The following MAN1C1 variants were observed in gnomAD, a reference collection of about 807,000 sequenced individuals.
MAN1C1 encodes the protein mannosyl-oligosaccharide 1,2-alpha-mannosidase IC.
MAN1C1 carries 49 observed loss-of-function variants against 71.5 expected under a neutral mutation model. The observed-to-expected ratio is 0.69, with a 90% CI of 0.54 to 0.87. MAN1C1 has a LOEUF of 0.87. Among genes scored for constraint, MAN1C1 ranks in the 40% least tolerant of loss-of-function variants. MAN1C1 has a pLI of 0.00. For synonymous variants in MAN1C1, 352 were observed against 343.7 expected, an observed-to-expected ratio of 1.02 and a Z score of -0.27; for missense variants, 743 against 835.0, an observed-to-expected ratio of 0.89 and a Z score of 1.36.
intron 2 of MAN1C1, among the ~76,000 whole-genome samples, chr1:25,715,312 A>G (rs981561014): frequency 4.6e-5 from 7 of 152,078 alleles, no homozygotes; most frequent in African/African-American, 1.7e-4. Context: ...GATCATTCCC[A>G]TTGCTGGGGT....
chr1:25,783,773 C>A lies in MAN1C1; in HGVS notation c.1877C>A (p.Ala626Asp). ...PVNHSDSSGR[A>D]WGRH is the part of the protein sequence containing the mutation. The stretch of plus-strand genomic sequence containing the variant: ...AACCACTCAGACAGCTCCGGCAGAG[C>A]CTGGGGCAGACACTGACCCCATCTC... Residue 626 changes from alanine to aspartate, a missense_variant, in exon 12 of 12, where the codon GCC becomes GAC. Ala to Asp is a moderately radical substitution (Grantham distance 126, BLOSUM62 -2). Transcript: ENST00000374332. 1 of 1,611,570 alleles carries A rather than the reference C, an allele frequency of 6.2e-7. No individual in the cohort carries two copies.
intron 1 of MAN1C1, chr1:25,644,518 A>ATATATTTTTTTTT (rs61386117): frequency 5.0e-5 from 2 of 40,290 alleles, no homozygotes; most frequent in Admixed American, 4.9e-4. Context: ...ATATATATAT[A>ATATATTTTTTTTT]TTTTTTTTTT....
intron 2 of MAN1C1, among the ~76,000 whole-genome samples, chr1:25,697,641 C>T (rs1433553228): frequency 1.3e-5 from 2 of 152,286 alleles, no homozygotes; most frequent in African/African-American, 4.8e-5. Flanking sequence ...TGTTCTATAG[C>T]GGCTGCACCA....
chr1:25,667,721 G>A (rs973948093), intron 1 of MAN1C1, among the ~76,000 whole-genome samples: 11 of 152,118 alleles, frequency 7.2e-5, no homozygotes, highest in African/African-American at 2.7e-4. Flanking sequence ...CAAGAACACA[G>A]CGCTTTAGCT....
chr1:25,631,579 A>G lies in MAN1C1; in HGVS notation c.540+13242A>G, dbSNP rs1217489151. On this transcript the variant is annotated intron_variant, in intron 1 of 11. Transcript: ENST00000374332. The surrounding 1 kb of genome is among the most constrained non-coding windows in gnomAD (Gnocchi z 4.2). ...CTTGTATATGTTAGACCATCCCTGC[A>G]TCCCTGCTATGAAACCCACTTGATC... is the stretch of plus-strand genomic sequence containing the variant. 2.0e-5 allele frequency among the ~76,000 whole-genome samples: 3 copies of G among 152,070 alleles called. No individual in the cohort carries two copies. The highest frequency in any genetic ancestry group is 4.4e-5 in the Non-Finnish European group (3 of 68,022).
intron 1 of MAN1C1, among the ~76,000 whole-genome samples, chr1:25,636,467 T>G (rs2045462283): frequency 6.6e-6 from 1 of 152,172 alleles, no homozygotes; most frequent in Non-Finnish European, 1.5e-5. Flanking sequence ...AGCGATATCT[T>G]CCCTACTTGC....
chr1:25,753,545 C>T lies in MAN1C1; in HGVS notation c.896C>T (p.Thr299Met), dbSNP rs767168627. 35 of 1,613,642 alleles carry T rather than the reference C, an allele frequency of 2.2e-5. 1 individual carries two copies. The South Asian group carries it at 2.3e-4, about 11-fold the overall frequency. The change falls in exon 5 of 12, where the codon ACG becomes ATG. Residue 299 changes from threonine (T) to methionine (M), a missense_variant. Transcript: ENST00000374332. The surrounding 1 kb of genome is among the most constrained non-coding windows in gnomAD (Gnocchi z 4.9). ...EKLLPAFNTP[T>M]GIPKGVVSFK... ...CTCCTGCCGGCGTTCAACACCCCCA[C>T]GGGAATCCCAAAGGGCGTGGTGAGC...
At chr1:25,652,461 A>G (rs1572122600) in intron 1 of MAN1C1, among the ~76,000 whole-genome samples, 2 of 152,082 alleles carry the variant, frequency 1.3e-5, no homozygotes, top group Non-Finnish European at 2.9e-5. Flanking sequence ...AGCCCTTCCC[A>G]CCCCACAGGC....
rs2047608339 is a variant in MAN1C1 at position 25,775,544 on chromosome 1, G to A, written c.1258-2561G>A. Among the ~76,000 whole-genome samples the A allele has an allele frequency of 1.3e-5, 2 of 152,234 alleles. No homozygotes were observed. The highest frequency in any genetic ancestry group is 6.5e-5 in the Admixed American group (1 of 15,274). ...GGCTTCTGCTGTCACACGGCACTCA[G>A]AGTCTGAGAGAGAGACAGATATACA... On this transcript the variant is annotated intron_variant, in intron 8 of 11. Transcript: ENST00000374332. The surrounding 1 kb of genome is among the most constrained non-coding windows in gnomAD (Gnocchi z 5.1).
At position 25,653,602 on chromosome 1, in the gene MAN1C1, A is replaced by T. The variant is rs1488688158; in HGVS notation, c.541-32838A>T. 2.6e-5 allele frequency among the ~76,000 whole-genome samples: 4 copies of T among 152,176 alleles called. No individual in the cohort carries two copies. The East Asian group carries it at 7.7e-4, about 29-fold the overall frequency. On this transcript the variant is annotated intron_variant, in intron 1 of 11. Transcript: ENST00000374332. The stretch of plus-strand genomic sequence containing the variant: ...CTGAATGTTCTCGGACCTAGTAGGT[A>T]TCAGTGTCCAGGGCCAAGGGGTCAC...
At chr1:25,690,796 C>T (rs879740138) in intron 2 of MAN1C1, among the ~76,000 whole-genome samples, 13 of 152,228 alleles carry the variant, frequency 8.5e-5, no homozygotes, top group Non-Finnish European at 1.5e-4. Flanking sequence ...GGCTTAGCCC[C>T]GTGCCAGGCA....
At chr1:25,652,356 C>T (rs1183627169) in intron 1 of MAN1C1, among the ~76,000 whole-genome samples, 1 of 152,252 alleles carries the variant, frequency 6.6e-6, no homozygotes, top group East Asian at 1.9e-4. Context: ...GTAAGGATCA[C>T]TCACTGCCAA....
chr1:25,635,181 T>C (rs747821874), intron 1 of MAN1C1, among the ~76,000 whole-genome samples: 1 of 152,126 alleles, frequency 6.6e-6, no homozygotes, highest in Non-Finnish European at 1.5e-5. Flanking sequence ...TTCTCTGTTT[T>C]CTGAAAGAGT....
chr1:25,661,653 G>GGCAGGAA (rs1325850862), intron 1 of MAN1C1, among the ~76,000 whole-genome samples: 2 of 152,184 alleles, frequency 1.3e-5, no homozygotes, highest in African/African-American at 2.4e-5. Flanking sequence ...GTGGAAGACA[G>GGCAGGAA]GCAGGAAGCA....
chr1:25,692,765 G>A (rs1214537836), intron 2 of MAN1C1, among the ~76,000 whole-genome samples: 6 of 152,144 alleles, frequency 3.9e-5, no homozygotes, highest in Admixed American at 2.6e-4. Flanking sequence ...TGTGTGCCAC[G>A]TCCTGTACAC....
intron 7 of MAN1C1, 152 bp from the exon 8 acceptor site, chr1:25,771,505 T>A (rs1269611144): frequency 3.2e-6 from 2 of 624,150 alleles, no homozygotes; most frequent in Non-Finnish European, 5.7e-6. Context: ...TGCCTCGCAG[T>A]ACCCATTCCA....
In MAN1C1 at chr1:25,713,594, T is replaced by TG. The variant is rs76063371; in HGVS notation, c.637+27059dup. ...AACTATTTTGCTAGAGGTGTTTGGATGCTGCTGTCTAACCCGAGACATGGA... is the reference window on the plus strand; with the variant it reads ...AACTATTTTGCTAGAGGTGTTTGGATGGCTGCTGTCTAACCCGAGACATGGA... On this transcript the variant is annotated intron_variant, in intron 2 of 11. Transcript: ENST00000374332. Among the ~76,000 whole-genome samples, 5 of 152,326 alleles carry TG rather than the reference T, an allele frequency of 3.3e-5. No homozygotes were observed. In the East Asian group the frequency reaches 7.7e-4, roughly 24 times the overall value.
At position 25,764,660 on chromosome 1, in the gene MAN1C1, C is replaced by T. The variant is rs1205022913; in HGVS notation, c.1141+693C>T. 6.6e-6 allele frequency among the ~76,000 whole-genome samples: 1 copy of T among 151,936 alleles called. No individual in the cohort carries two copies. The highest frequency in any genetic ancestry group is 1.5e-5 in the Non-Finnish European group (1 of 67,996). On this transcript the variant is annotated intron_variant, in intron 7 of 11. Transcript: ENST00000374332. The surrounding 1 kb of genome is among the most constrained non-coding windows in gnomAD (Gnocchi z 4.4). ...CTCGAACTCCTGACCTCAAATGATC[C>T]AACCGCCTCGGCCTCCCAAAGTGCT...
intron 1 of MAN1C1, among the ~76,000 whole-genome samples, chr1:25,665,560 C>G (rs566952634): frequency 6.6e-6 from 1 of 152,244 alleles, no homozygotes; most frequent in Non-Finnish European, 1.5e-5. Flanking sequence ...ATCTCTGCCT[C>G]GAGACCCATT....
Sources: allele counts gnomAD v4.1 joint callset (sites outside exome capture counted in the v4.1 genomes callset), GRCh38; gene constraint gnomAD v4.1.1; non-coding constraint Gnocchi (gnomAD v3.1); transcripts MANE v1.5; gene names NCBI Gene and HGNC (gene_info 2026-07-23, HGNC 2026-07-21).